Variants in PTCHD4 observed in about 807,000 individuals in gnomAD.
The protein encoded by PTCHD4 is patched domain containing 4.
Under a neutral mutation model 58.1 loss-of-function variants are expected in PTCHD4, and 33 were observed. That is an observed-to-expected ratio of 0.57 (90% CI 0.43 to 0.76). PTCHD4 has a LOEUF of 0.76. Among genes scored for constraint, PTCHD4 ranks in the 30% least tolerant of loss-of-function variants. The probability of loss-of-function intolerance (pLI) is 0.00; values close to 1 mark genes in which losing one functional copy is unlikely to be tolerated. For synonymous variants in PTCHD4, 478 were observed against 409.6 expected (o/e 1.17, Z -2.02); for missense variants, 1,058 against 1,027.1 (o/e 1.03, Z -0.41).
At chr6:48,000,670 A>T (rs537524042) in intron 4 of PTCHD4, among the ~76,000 whole-genome samples, 256 of 152,264 alleles carry the variant, frequency 1.7e-3, no homozygotes, top group Middle Eastern at 0.01. Context: ...GGATTTCCAC[A>T]TGCTCTCATC....
At chr6:47,917,060 A>T (rs537250998) in intron 4 of PTCHD4, among the ~76,000 whole-genome samples, 1 of 152,298 alleles carries the variant, frequency 6.6e-6, no homozygotes, top group African/African-American at 2.4e-5. Flanking sequence ...CTTTGTATGT[A>T]AAACATGATT....
intron 1 of PTCHD4, among the ~76,000 whole-genome samples, chr6:48,075,864 G>A (rs533095434): frequency 6.6e-6 from 1 of 152,324 alleles, no homozygotes; most frequent in South Asian, 2.1e-4. Flanking sequence ...ACTGCTCAGG[G>A]TGATGGTTGC....
intron 1 of PTCHD4, among the ~76,000 whole-genome samples, chr6:48,082,785 T>C (rs1484608490): frequency 2.0e-5 from 3 of 152,108 alleles, no homozygotes; most frequent in Non-Finnish European, 2.9e-5. Flanking sequence ...CTCCTTAAAA[T>C]ATAAGAAATT....
In PTCHD4 at chr6:47,914,756, CTA is replaced by C. The variant is rs1561954625; in HGVS notation, c.899-34822_899-34821del. Among the ~76,000 whole-genome samples the C allele has an allele frequency of 6.1e-4, 90 of 147,102 alleles. 1 individual carries two copies. The highest frequency in any genetic ancestry group is 2.3e-3 in the African/African-American group (86 of 37,904). ...TATTATCTATCTATTATCTATCTAT[CTA>C]TCTATCTATCTATCTATCTATCTAT... is the stretch of plus-strand genomic sequence containing the variant. On this transcript the variant is annotated intron_variant, in intron 4 of 4. Transcript: ENST00000339488.
intron 4 of PTCHD4, among the ~76,000 whole-genome samples, chr6:48,003,718 G>C (rs774940296): frequency 6.6e-6 from 1 of 152,154 alleles, no homozygotes; most frequent in Non-Finnish European, 1.5e-5. Flanking sequence ...TCACCCGAAG[G>C]TTAATTCTCA....
chr6:47,975,629 T>C (rs1767665980), intron 4 of PTCHD4, among the ~76,000 whole-genome samples: 1 of 152,192 alleles, frequency 6.6e-6, no homozygotes, highest in African/African-American at 2.4e-5. Context: ...CCTTCCCCCA[T>C]GCATCCACGT....
intron 4 of PTCHD4, among the ~76,000 whole-genome samples, chr6:47,933,882 C>G (rs1417097300): frequency 6.6e-6 from 1 of 152,030 alleles, no homozygotes; most frequent in African/African-American, 2.4e-5. Context: ...TTATGAATTA[C>G]AAAACAAATT....
At chr6:47,985,508 A>G (rs1768032276) in intron 4 of PTCHD4, among the ~76,000 whole-genome samples, 1 of 152,130 alleles carries the variant, frequency 6.6e-6, no homozygotes, top group Non-Finnish European at 1.5e-5. Context: ...ATATGTAAAA[A>G]AGTAGAACAA....
rs2114079946 is a variant in PTCHD4 at position 47,871,920 on chromosome 6, T to A, written c.*6383A>T. 6.6e-6 allele frequency among the ~76,000 whole-genome samples: 1 copy of A among 151,832 alleles called. No homozygotes were observed. Among genetic ancestry groups the A allele is most frequent in the East Asian group, 1.9e-4 (1 of 5,140 alleles). On this transcript the variant is annotated 3_prime_UTR_variant, in exon 5 of 5. Transcript: ENST00000339488. The stretch of plus-strand genomic sequence containing the variant: ...CTAGTTTAAGGTCTAGTTTATCAGT[T>A]TGTAGCACATTTATGTTTGTGAAGA...
chr6:48,041,584 C>A (rs182727144), intron 3 of PTCHD4, among the ~76,000 whole-genome samples: 4 of 151,870 alleles, frequency 2.6e-5, no homozygotes. Flanking sequence ...TACTGATCGC[C>A]GCAGTTATGT....
Position 47,879,785 on chromosome 6 carries a change from C to G in PTCHD4, c.1050G>C (p.Met350Ile). The change falls in exon 5 of 5, where the codon ATG becomes ATC. Residue 350 changes from methionine (M) to isoleucine (I), a missense_variant. Physicochemically the swap from Met to Ile is conservative, Grantham distance 10. Transcript: ENST00000339488. ...CTATGTTTGTGAATGGGCTGGCACC[C>G]ATGCCAAAAGTGATGAAGTACAGGG... ...TSSLYFITFG[M>I]GASPFTNIEA... is the part of the protein sequence containing the mutation. The G allele has an allele frequency of 3.7e-6, 6 of 1,613,624 alleles. No individual in the cohort carries two copies. The highest frequency in any genetic ancestry group is 5.1e-6 in the Non-Finnish European group (6 of 1,179,758).
chr6:47,976,024 C>A (rs1338759059), intron 4 of PTCHD4, among the ~76,000 whole-genome samples: 1 of 152,186 alleles, frequency 6.6e-6, no homozygotes, highest in Non-Finnish European at 1.5e-5. Flanking sequence ...CATTTATGGA[C>A]TACTTCATTC....
intron 4 of PTCHD4, among the ~76,000 whole-genome samples, chr6:47,896,429 C>T (rs942967811): frequency 5.9e-5 from 9 of 152,198 alleles, no homozygotes; most frequent in African/African-American, 2.2e-4. Flanking sequence ...TTCTCTGCCA[C>T]ATTGCTGTTT....
chr6:48,010,868 T>C (rs1445903114), intron 3 of PTCHD4, among the ~76,000 whole-genome samples: 4 of 152,208 alleles, frequency 2.6e-5, no homozygotes, highest in Admixed American at 2.0e-4. Flanking sequence ...GTTAGTTTGC[T>C]GAGAATGGTG....
chr6:48,030,615 C>T (rs1380163617), intron 3 of PTCHD4, among the ~76,000 whole-genome samples: 1 of 152,136 alleles, frequency 6.6e-6, no homozygotes, highest in South Asian at 2.1e-4. Context: ...CCACTCAGAA[C>T]ATTCACCAGA....
chr6:48,070,362 A>G (rs1764954903), intron 1 of PTCHD4, among the ~76,000 whole-genome samples: 1 of 152,190 alleles, frequency 6.6e-6, no homozygotes, highest in Non-Finnish European at 1.5e-5. Flanking sequence ...GCATACAAAC[A>G]AGCTAAAGGA....
At chr6:48,087,751 C>A (rs1051048229) in intron 1 of PTCHD4, among the ~76,000 whole-genome samples, 2 of 152,190 alleles carry the variant, frequency 1.3e-5, no homozygotes, top group African/African-American at 4.8e-5. Flanking sequence ...TGGAAAAAGT[C>A]ATACCTATCT....
chr6:47,880,291 T>C (rs943404341), intron 4 of PTCHD4, among the ~76,000 whole-genome samples: 2 of 152,210 alleles, frequency 1.3e-5, no homozygotes, highest in Admixed American at 1.3e-4. Context: ...CCGTTATTTG[T>C]GCGCCTTCAA....
chr6:47,886,065 G>A (rs1014085158), intron 4 of PTCHD4, among the ~76,000 whole-genome samples: 2 of 150,990 alleles, frequency 1.3e-5, no homozygotes, highest in African/African-American at 2.4e-5. Context: ...TAATCTGCCC[G>A]CCTCGGCCTC....
Sources: allele counts gnomAD v4.1 joint callset (sites outside exome capture counted in the v4.1 genomes callset), GRCh38; gene constraint gnomAD v4.1.1; transcripts MANE v1.5; gene names NCBI Gene and HGNC (gene_info 2026-07-23, HGNC 2026-07-21).